Variants in PTDSS2 observed in about 807,000 individuals in gnomAD.
The protein encoded by PTDSS2 is phosphatidylserine synthase 2.
In PTDSS2, 41 loss-of-function variants were observed where a neutral mutation model predicts 64.7. The ratio of observed to expected loss-of-function variants is 0.63; its 90% CI spans 0.49 to 0.82. PTDSS2 has a LOEUF of 0.82. Ranked by LOEUF, PTDSS2 falls within the 40% of genes least tolerant of loss-of-function variation. The probability of loss-of-function intolerance (pLI) is 0.00; values close to 1 mark genes in which losing one functional copy is unlikely to be tolerated. For missense variants in PTDSS2, 485 were observed against 650.0 expected (o/e 0.75, Z 2.76); for synonymous variants, 297 against 277.8 (o/e 1.07, Z -0.69).
intron 1 of PTDSS2, among the ~76,000 whole-genome samples, chr11:456,751 G>T (rs901490943): frequency 2.0e-5 from 3 of 152,204 alleles, no homozygotes; most frequent in Non-Finnish European, 2.9e-5. Flanking sequence ...GCCTTCTGAC[G>T]TGGGTTCTCT....
intron 1 of PTDSS2, among the ~76,000 whole-genome samples, chr11:457,196 A>G (rs767159738): frequency 6.6e-6 from 1 of 152,228 alleles, no homozygotes; most frequent in Non-Finnish European, 1.5e-5. Context: ...CTGGCTCTTC[A>G]TGAAATCGGC....
chr11:485,421 ACG>A, intron 4 of PTDSS2, among the ~76,000 whole-genome samples: 1 of 93,884 alleles, frequency 1.1e-5, no homozygotes, highest in African/African-American at 4.2e-5. Flanking sequence ...CAGTGCACGG[ACG>A]CGTGTGTGCT....
At position 460,342 on chromosome 11, in the gene PTDSS2, G is replaced by A; in HGVS notation, c.284+54G>A. On this transcript the variant is annotated intron_variant, in intron 2 of 11. Coordinates refer to ENST00000308020, the MANE Select transcript of PTDSS2 (RefSeq NM_030783.3). The surrounding 1 kb of genome is among the most constrained non-coding windows in gnomAD (Gnocchi z 5.8). The stretch of plus-strand genomic sequence containing the variant: ...AAACTGCCCTGTGCCCCGTGTGGTG[G>A]GTGTGGCACCCTTACTGCTCGGGCT... 1 of 1,475,194 alleles carries A rather than the reference G, an allele frequency of 6.8e-7. No individual in the cohort carries two copies. Among genetic ancestry groups the A allele is most frequent in the South Asian group, 1.1e-5 (1 of 87,468 alleles). 91.4% of individuals were successfully genotyped at this position (1,475,194 alleles called of 1,614,324 possible). A position where few individuals can be genotyped will look rare whatever the true frequency, so the allele number is the denominator to read the frequency against.
intron 11 of PTDSS2, 140 bp from the exon 12 acceptor site, chr11:490,280 G>A (rs1032362575): frequency 1.2e-5 from 15 of 1,280,806 alleles, no homozygotes; most frequent in South Asian, 4.0e-5. Flanking sequence ...AGTCTGCCAC[G>A]GCTGCCGTCC....
rs755322933 is a variant in PTDSS2 at position 489,666 on chromosome 11, C to T, written c.1048C>T (p.Arg350Trp). 9 of 1,599,772 alleles carry T rather than the reference C, an allele frequency of 5.6e-6. No homozygotes were observed. Among genetic ancestry groups the T allele is most frequent in the African/African-American group, 1.3e-5 (1 of 74,688 alleles). ...CCCGGAGCACTACCTGGTCCTCCTGCGGCTCGTCTTCTTCGTGAACGTGGG... is the reference window on the plus strand; with the variant it reads ...CCCGGAGCACTACCTGGTCCTCCTGTGGCTCGTCTTCTTCGTGAACGTGGG... ...MPPEHYLVLL[R>W]LVFFVNVGGV... The change falls in exon 10 of 12, where the codon CGG becomes TGG. Residue 350 changes from arginine (R) to tryptophan (W), a missense_variant. Around this residue, in one of 3 missense-constraint regions of PTDSS2, gnomAD observed 219 missense variants for 257.3 expected, o/e 0.85. Transcript: ENST00000308020.
chr11:450,419 C>G lies in PTDSS2; in HGVS notation c.-37C>G. ...GCCGGTGACCCGGTGTGCGTGGGGT[C>G]GAGGCGCCGGGCGGAGTGGCTCCGG... On this transcript the variant is annotated 5_prime_UTR_variant, in exon 1 of 12. Coordinates refer to ENST00000308020, the MANE Select transcript of PTDSS2 (RefSeq NM_030783.3). The G allele has an allele frequency of 8.2e-7, 1 of 1,220,196 alleles. No homozygotes were observed. The highest frequency in any genetic ancestry group is 1.6e-5 in the African/African-American group (1 of 63,950). 75.6% of individuals were successfully genotyped at this position (1,220,196 alleles called of 1,614,324 possible).
chr11:482,511 G>T (rs190700739), intron 4 of PTDSS2, among the ~76,000 whole-genome samples: 3 of 151,720 alleles, frequency 2.0e-5, no homozygotes, highest in African/African-American at 4.8e-5. Context: ...ATGAGGTTTC[G>T]CCATGTTGGC....
chr11:456,341 A>AT (rs34526529), intron 1 of PTDSS2, among the ~76,000 whole-genome samples: 14,603 of 135,698 alleles, frequency 0.11, 899 homozygotes, highest in Admixed American at 0.18. Flanking sequence ...CATCCAGTTA[A>AT]TTTTTTTTTT....
At chr11:466,291 G>A (rs1436505285) in intron 2 of PTDSS2, among the ~76,000 whole-genome samples, 1 of 152,130 alleles carries the variant, frequency 6.6e-6, no homozygotes, top group South Asian at 2.1e-4. Flanking sequence ...GAATTGCTGG[G>A]GAGGCCTCAG....
intron 2 of PTDSS2, among the ~76,000 whole-genome samples, chr11:466,279 C>G (rs963264221): frequency 2.0e-5 from 3 of 152,070 alleles, no homozygotes; most frequent in Non-Finnish European, 2.9e-5. Context: ...ACTCACAGTT[C>G]CGAATTGCTG....
rs944548738 is a variant in PTDSS2, at chr11:470,092, G to A, written c.285-3803G>A. On this transcript the variant is annotated intron_variant, in intron 2 of 11. Transcript: ENST00000308020. The surrounding 1 kb of genome is among the most constrained non-coding windows in gnomAD (Gnocchi z 5.3). ...AGATCCCCCCATTCCAGGAGCTGGC[G>A]TGAGCTCCCGGCACCGCTGTGCGCT... Among the ~76,000 whole-genome samples the A allele has an allele frequency of 3.9e-5, 6 of 152,208 alleles. No homozygotes were observed. The highest frequency in any genetic ancestry group is 2.4e-5 in the African/African-American group (1 of 41,448).
chr11:454,777 A>G (rs1349577508), intron 1 of PTDSS2, among the ~76,000 whole-genome samples: 1 of 152,218 alleles, frequency 6.6e-6, no homozygotes, highest in Non-Finnish European at 1.5e-5. Flanking sequence ...TGACAGAGCA[A>G]GACTCCATCT....
intron 8 of PTDSS2, 39 bp from the exon 9 acceptor site, chr11:489,361 G>C (rs371252661): frequency 1.3e-6 from 2 of 1,558,626 alleles, no homozygotes; most frequent in Non-Finnish European, 1.8e-6. Context: ...AGGGTTCGGT[G>C]GGCTGCCTTC....
At chr11:484,789 C>T (rs1848231267) in intron 4 of PTDSS2, among the ~76,000 whole-genome samples, 1 of 123,854 alleles carries the variant, frequency 8.1e-6, no homozygotes, top group African/African-American at 3.2e-5. Flanking sequence ...TGTGCGCAGG[C>T]GAGTGTAAAC....
intron 1 of PTDSS2, among the ~76,000 whole-genome samples, chr11:450,945 G>A (rs547331729): frequency 4.7e-4 from 70 of 150,232 alleles, no homozygotes; most frequent in African/African-American, 1.7e-3. Context: ...CTGACCGCGC[G>A]GTTCTGCGAT....
At chr11:488,096 G>A (rs1848483387) in intron 6 of PTDSS2, 103 bp from the exon 7 acceptor site, 11 of 814,010 alleles carry the variant, frequency 1.4e-5, no homozygotes, top group East Asian at 1.3e-4. Context: ...CGTGGCCGGC[G>A]TCCCATACTC....
chr11:488,883 G>C (rs991999295), intron 8 of PTDSS2, among the ~76,000 whole-genome samples: 1 of 152,226 alleles, frequency 6.6e-6, no homozygotes, highest in Non-Finnish European at 1.5e-5. Flanking sequence ...ATCCCTGGCC[G>C]GCCTGGCGCA....
chr11:480,988 G>A (rs1037330537), intron 4 of PTDSS2, among the ~76,000 whole-genome samples: 1 of 151,864 alleles, frequency 6.6e-6, no homozygotes, highest in Non-Finnish European at 1.5e-5. Context: ...GGAGGCTGAG[G>A]CAAGTGAATG....
chr11:490,904 G>T lies in PTDSS2; in HGVS notation c.*322G>T, dbSNP rs1848656075. ...GCTGGGAGCTGGCTGGCGTGGCAAG[G>T]GCATGCTCTGGGGCAGTGTGTCCCT... On this transcript the variant is annotated 3_prime_UTR_variant, in exon 12 of 12. Coordinates refer to ENST00000308020, the MANE Select transcript of PTDSS2 (RefSeq NM_030783.3). 2 of 371,800 alleles carry T rather than the reference G, an allele frequency of 5.4e-6. No individual in the cohort carries two copies. The highest frequency in any genetic ancestry group is 9.8e-6 in the Non-Finnish European group (2 of 204,206). The allele number at this position is 371,800 out of a possible 1,614,324, so 23.0% of individuals were successfully genotyped here.
Sources: allele counts gnomAD v4.1 joint callset (sites outside exome capture counted in the v4.1 genomes callset), GRCh38; gene constraint gnomAD v4.1.1; regional missense constraint gnomAD v4.1.1; non-coding constraint Gnocchi (gnomAD v3.1); transcripts MANE v1.5; gene names NCBI Gene and HGNC (gene_info 2026-07-23, HGNC 2026-07-21).